The following LCORL variants were observed in gnomAD, a reference collection of about 807,000 sequenced individuals.
The protein encoded by LCORL is ligand-dependent nuclear receptor corepressor-like protein.
In LCORL, 41 loss-of-function variants were observed where a neutral mutation model predicts 141.8. The ratio of observed to expected loss-of-function variants is 0.29; its 90% CI spans 0.23 to 0.38. The LOEUF (loss-of-function observed/expected upper bound fraction) is 0.38, where lower values mean the gene tolerates loss of function less well. Among genes scored for constraint, LCORL ranks in the 10% least tolerant of loss-of-function variants. The pLI is 1.00. For missense variants in LCORL, 1,759 were observed against 2,035.0 expected (o/e 0.86, Z 2.61); for synonymous variants, 618 against 694.1 (o/e 0.89, Z 1.72).
At position 17,913,837 on chromosome 4, in the gene LCORL, G is replaced by T. The variant is rs186923416; in HGVS notation, c.431-4492C>A. 5.2e-3 allele frequency among the ~76,000 whole-genome samples: 793 copies of T among 152,256 alleles called. 11 individuals carry two copies. Among genetic ancestry groups the T allele is most frequent in the African/African-American group, 0.018 (753 of 41,558 alleles). On this transcript the variant is annotated intron_variant, in intron 4 of 7. Transcript: ENST00000635767. ...TTAATAACGTAAAAAAAATTGCATT[G>T]ACATGGTTAAATTCCCAGTTCTTTC...
chr4:18,006,997 A>G (rs570271114), intron 1 of LCORL, among the ~76,000 whole-genome samples: 1 of 152,260 alleles, frequency 6.6e-6, no homozygotes, highest in Non-Finnish European at 1.5e-5. Flanking sequence ...ATCAACAACT[A>G]AAATCCGTTT....
exon 7 of LCORL, chr4:17,876,917 T>A (rs1005419875): frequency 8.1e-7 from 1 of 1,230,662 alleles, no homozygotes; most frequent in African/African-American, 1.6e-5. Flanking sequence ...TTGGTGAAAA[T>A]GATGTTTCAG....
intron 1 of LCORL, among the ~76,000 whole-genome samples, chr4:17,985,839 G>A (rs1718867557): frequency 2.0e-5 from 3 of 152,142 alleles, no homozygotes; most frequent in Non-Finnish European, 4.4e-5. Context: ...GCTTGTTTGT[G>A]TGGTTGCTTT....
At chr4:18,004,401 A>G (rs1722460693) in intron 1 of LCORL, among the ~76,000 whole-genome samples, 1 of 152,196 alleles carries the variant, frequency 6.6e-6, no homozygotes, top group African/African-American at 2.4e-5. Context: ...GGTGTAAGGC[A>G]CATCTCAGAA....
At chr4:17,924,161 T>C (rs889469747) in intron 4 of LCORL, among the ~76,000 whole-genome samples, 14 of 152,138 alleles carry the variant, frequency 9.2e-5, no homozygotes, top group African/African-American at 3.4e-4. Context: ...TGGACCTCTC[T>C]GAGTGCTCAA....
chr4:17,916,616 G>C (rs1350118412), intron 4 of LCORL, among the ~76,000 whole-genome samples: 1 of 149,216 alleles, frequency 6.7e-6, no homozygotes, highest in Non-Finnish European at 1.5e-5. Flanking sequence ...GACTGCAAAA[G>C]CATGAAAGCA....
intron 4 of LCORL, among the ~76,000 whole-genome samples, chr4:17,928,408 G>A (rs1735498150): frequency 6.6e-6 from 1 of 152,120 alleles, no homozygotes; most frequent in South Asian, 2.1e-4. Context: ...GCAAGAGCCT[G>A]TCTCAAAATA....
chr4:17,917,897 T>C (rs950158676), intron 4 of LCORL, among the ~76,000 whole-genome samples: 6 of 152,214 alleles, frequency 3.9e-5, no homozygotes, highest in Non-Finnish European at 5.9e-5. Context: ...CATGGCACTT[T>C]AAATTGCACT....
chr4:17,924,412 C>A (rs556530395), intron 4 of LCORL, among the ~76,000 whole-genome samples: 1 of 152,160 alleles, frequency 6.6e-6, no homozygotes, highest in Non-Finnish European at 1.5e-5. Flanking sequence ...GACCTGGCTA[C>A]GGCCACTGCT....
intron 4 of LCORL, among the ~76,000 whole-genome samples, chr4:17,921,408 G>T (rs1236736228): frequency 6.6e-6 from 1 of 152,102 alleles, no homozygotes; most frequent in Non-Finnish European, 1.5e-5. Context: ...TCTATCAGAG[G>T]AATCACTATC....
chr4:17,871,076 A>C (rs1182279628), intron 7 of LCORL, among the ~76,000 whole-genome samples: 1 of 152,178 alleles, frequency 6.6e-6, no homozygotes, highest in Non-Finnish European at 1.5e-5. Flanking sequence ...ACAAAGAAGA[A>C]AAACACATAT....
intron 5 of LCORL, among the ~76,000 whole-genome samples, chr4:17,904,048 C>T (rs1370985329): frequency 6.6e-6 from 1 of 151,670 alleles, no homozygotes; most frequent in Non-Finnish European, 1.5e-5. Flanking sequence ...AACGCTGTTG[C>T]AGATAAAAAA....
At chr4:17,872,158 T>A (rs1726420182) in intron 7 of LCORL, among the ~76,000 whole-genome samples, 2 of 151,772 alleles carry the variant, frequency 1.3e-5, no homozygotes, top group South Asian at 4.2e-4. Context: ...TATCTTTAAA[T>A]TTCCAAATGT....
chr4:17,877,032 T>A, exon 7 of LCORL: 1 of 1,230,776 alleles, frequency 8.1e-7, no homozygotes, highest in Non-Finnish European at 1.0e-6. Context: ...TTGTGTCAAT[T>A]TCCTTGAACT....
chr4:17,999,013 T>A (rs77839673), intron 1 of LCORL, among the ~76,000 whole-genome samples: 602 of 38,716 alleles, frequency 0.016, 7 homozygotes, highest in African/African-American at 0.032. Flanking sequence ...TACACACATA[T>A]ATATATATAT....
chr4:17,873,055 G>C (rs1159735545), intron 7 of LCORL, among the ~76,000 whole-genome samples: 1 of 152,024 alleles, frequency 6.6e-6, no homozygotes, highest in Non-Finnish European at 1.5e-5. Context: ...ATATTTATCT[G>C]TCAAACTGCT....
chr4:17,942,682 A>G (rs1577493266), intron 4 of LCORL, among the ~76,000 whole-genome samples: 1 of 152,226 alleles, frequency 6.6e-6, no homozygotes, highest in East Asian at 1.9e-4. Flanking sequence ...GGGTAATAAA[A>G]GATACTGAGA....
chr4:17,860,804 T>C (rs1724914293), intron 7 of LCORL, among the ~76,000 whole-genome samples: 1 of 152,176 alleles, frequency 6.6e-6, no homozygotes. Context: ...ATTGGAGACA[T>C]TGGCCAAAAC....
intron 7 of LCORL, among the ~76,000 whole-genome samples, chr4:17,846,374 T>A (rs1722937827): frequency 6.6e-6 from 1 of 152,108 alleles, no homozygotes; most frequent in African/African-American, 2.4e-5. Flanking sequence ...TAGTAAACAA[T>A]AAAATCAAGA....
Sources: allele counts gnomAD v4.1 joint callset (sites outside exome capture counted in the v4.1 genomes callset), GRCh38; gene constraint gnomAD v4.1.1; transcripts MANE v1.5; gene names NCBI Gene and HGNC (gene_info 2026-07-23, HGNC 2026-07-21).